HOOK1: variants seen among roughly 807,000 people sequenced by gnomAD.
HOOK1 encodes hook microtubule tethering protein 1.
A neutral mutation model predicts 112.8 loss-of-function variants in HOOK1; 60 were observed. That is an observed-to-expected ratio of 0.53 (90% CI 0.43 to 0.66). HOOK1 has a LOEUF of 0.66. Among genes scored for constraint, HOOK1 ranks in the 30% least tolerant of loss-of-function variants. The pLI, the probability that HOOK1 is intolerant of heterozygous loss-of-function variation, is 0.00. For synonymous variants in HOOK1, 294 were observed against 283.8 expected (o/e 1.04, Z -0.36); for missense variants, 770 against 856.0 (o/e 0.90, Z 1.25).
chr1:59,847,238 A>G, intron 10 of HOOK1, 53 bp downstream of exon 10: 1 of 1,421,288 alleles, frequency 7.0e-7, no homozygotes, highest in Non-Finnish European at 9.7e-7. Flanking sequence ...TATTTAGTCA[A>G]TTTGAGTATT....
At chr1:59,832,990 C>T (rs921776024) in intron 4 of HOOK1, among the ~76,000 whole-genome samples, 1 of 152,034 alleles carries the variant, frequency 6.6e-6, no homozygotes, top group Non-Finnish European at 1.5e-5. Flanking sequence ...AGATTTGTTG[C>T]TCATTTGTAA....
intron 18 of HOOK1, among the ~76,000 whole-genome samples, chr1:59,865,571 T>G (rs1408034842): frequency 6.6e-6 from 1 of 152,042 alleles, no homozygotes; most frequent in Admixed American, 6.6e-5. Flanking sequence ...ATTTTTCTTG[T>G]GGTTGTGCTT....
intron 4 of HOOK1, 86 bp from the exon 5 acceptor site, chr1:59,833,319 A>G (rs1283732454): frequency 2.0e-6 from 2 of 977,582 alleles, no homozygotes; most frequent in Non-Finnish European, 1.4e-6. Flanking sequence ...TCGTGAATTT[A>G]TAATTTATTT....
intron 10 of HOOK1, among the ~76,000 whole-genome samples, chr1:59,847,811 A>ATTTG (rs907564788): frequency 3.3e-5 from 5 of 151,354 alleles, no homozygotes; most frequent in African/African-American, 1.2e-4. Context: ...GATTTGGTTT[A>ATTTG]TTTGTTTGTT....
rs190835877 is a variant in HOOK1 at position 59,868,374 on chromosome 1, T to G, written c.1947+23T>G. The G allele has an allele frequency of 4.6e-3, 6,033 of 1,303,596 alleles. 28 individuals carry two copies. The highest frequency in any genetic ancestry group is 5.9e-3 in the Non-Finnish European group (5,326 of 904,014). 80.8% of individuals were successfully genotyped at this position (1,303,596 alleles called of 1,614,324 possible). On this transcript the variant is annotated intron_variant, in intron 20 of 21. Coordinates refer to ENST00000371208, the MANE Select transcript of HOOK1 (RefSeq NM_015888.6). ...GAGGTAAAACTTTTATATTTACTCA[T>G]CTTTTAGTTATTTTGTAGAATCCTG... is the stretch of plus-strand genomic sequence containing the variant.
intron 9 of HOOK1, among the ~76,000 whole-genome samples, chr1:59,845,515 T>G (rs547954568): frequency 6.6e-6 from 1 of 152,070 alleles, no homozygotes; most frequent in South Asian, 2.1e-4. Context: ...TTGTTCGATG[T>G]GCTTTCTGTC....
intron 9 of HOOK1, among the ~76,000 whole-genome samples, chr1:59,845,667 T>G (rs534915097): frequency 6.6e-6 from 1 of 152,036 alleles, no homozygotes; most frequent in South Asian, 2.1e-4. Flanking sequence ...TTTTTCATTC[T>G]TGTAATATAT....
chr1:59,867,599 T>G (rs1219037524), intron 19 of HOOK1, among the ~76,000 whole-genome samples: 3 of 152,168 alleles, frequency 2.0e-5, no homozygotes, highest in Non-Finnish European at 2.9e-5. Flanking sequence ...TTCTTGACAT[T>G]TCTGAATTGG....
At chr1:59,859,740 T>G (rs1224276873) in intron 14 of HOOK1, among the ~76,000 whole-genome samples, 2 of 152,144 alleles carry the variant, frequency 1.3e-5, no homozygotes, top group South Asian at 4.1e-4. Context: ...ACTTTCTTAT[T>G]GCCATTATAA....
At chr1:59,815,459 A>G in intron 1 of HOOK1, 2 of 500,796 alleles carry the variant, frequency 4.0e-6, no homozygotes, top group Non-Finnish European at 7.1e-6. Context: ...CTGGTGCCCT[A>G]ACAGCTGGGA....
chr1:59,836,140 G>T (rs540509459), intron 6 of HOOK1, among the ~76,000 whole-genome samples: 1 of 152,048 alleles, frequency 6.6e-6, no homozygotes, highest in South Asian at 2.1e-4. Context: ...TTAGATCTGT[G>T]AGCAAATATG....
intron 12 of HOOK1, among the ~76,000 whole-genome samples, chr1:59,852,593 ATAAC>A (rs2098407783): frequency 6.6e-6 from 1 of 151,306 alleles, no homozygotes; most frequent in Non-Finnish European, 1.5e-5. Context: ...ATCTTTTCAA[ATAAC>A]TAACTTGTGG....
chr1:59,830,664 A>T (rs972421339), intron 3 of HOOK1, among the ~76,000 whole-genome samples: 1 of 152,076 alleles, frequency 6.6e-6, no homozygotes, highest in Admixed American at 6.6e-5. Context: ...TCTTTATTGT[A>T]AAAAACCTTC....
chr1:59,832,087 T>TA, intron 3 of HOOK1, 76 bp from the exon 4 acceptor site: 1 of 794,288 alleles, frequency 1.3e-6, no homozygotes, highest in South Asian at 1.8e-5. Flanking sequence ...GGAAAGTTTT[T>TA]ATTGTCTTTC....
At chr1:59,825,350 C>G (rs2098389080) in intron 2 of HOOK1, among the ~76,000 whole-genome samples, 2 of 152,290 alleles carry the variant, frequency 1.3e-5, no homozygotes, top group Non-Finnish European at 2.9e-5. Flanking sequence ...CTCTCTGTTC[C>G]TATTGTCTTT....
chr1:59,822,310 G>T (rs951096686), intron 2 of HOOK1, among the ~76,000 whole-genome samples: 1 of 152,134 alleles, frequency 6.6e-6, no homozygotes. Context: ...TAAGGTATCC[G>T]TGCATGGAGA....
In HOOK1 at chr1:59,835,349, T is replaced by C. The variant is rs747403414; in HGVS notation, c.411T>C (p.His137=). 1 of 1,559,788 alleles carries C rather than the reference T, an allele frequency of 6.4e-7. No homozygotes were observed. The highest frequency in any genetic ancestry group is 1.1e-5 in the South Asian group (1 of 88,942). The change falls in exon 6 of 22, where the codon CAT becomes CAC. Residue 137 remains histidine, a synonymous_variant. Coordinates refer to ENST00000371208, the MANE Select transcript of HOOK1 (RefSeq NM_015888.6). ...CAINCEKKQE[H]IQNIMTLEES... ...TTTGATTTTTTTAAATCATAGAACATATTCAAAATATAATGACACTGGAAG... is the reference window on the plus strand; with the variant it reads ...TTTGATTTTTTTAAATCATAGAACACATTCAAAATATAATGACACTGGAAG...
intron 14 of HOOK1, among the ~76,000 whole-genome samples, chr1:59,859,248 G>A (rs1374367457): frequency 4.0e-5 from 6 of 151,848 alleles, no homozygotes; most frequent in African/African-American, 1.5e-4. Flanking sequence ...TCACAAACCC[G>A]TTGAATAACA....
intron 1 of HOOK1, among the ~76,000 whole-genome samples, chr1:59,820,055 A>G (rs971247231): frequency 6.6e-6 from 1 of 152,196 alleles, no homozygotes; most frequent in East Asian, 1.9e-4. Context: ...AAAATATGCC[A>G]AAGAATGTTA....
Sources: gnomAD v4.1 joint callset for allele counts (sites outside exome capture counted in the v4.1 genomes callset) on GRCh38, gnomAD v4.1.1 for gene constraint, MANE v1.5 for transcripts, NCBI Gene and HGNC (gene_info 2026-07-23, HGNC 2026-07-21) for gene names.